Variants in CFAP299 observed in about 807,000 individuals in gnomAD.
CFAP299 encodes the protein cilia- and flagella-associated protein 299.
Under a neutral mutation model 27.0 loss-of-function variants are expected in CFAP299, and 21 were observed. The observed-to-expected ratio is 0.78, with a 90% CI of 0.55 to 1.12. The LOEUF is 1.12. Among genes scored for constraint, CFAP299 ranks in the 50% most tolerant of loss-of-function variants. CFAP299 has a pLI of 0.00. For synonymous variants in CFAP299, 104 were observed against 98.1 expected (o/e 1.06, Z -0.36); for missense variants, 310 against 276.6 (o/e 1.12, Z -0.86).
chr4:80,535,779 T>C (rs1206461528), intron 2 of CFAP299, among the ~76,000 whole-genome samples: 1 of 152,186 alleles, frequency 6.6e-6, no homozygotes, highest in Non-Finnish European at 1.5e-5. Flanking sequence ...AAATAGCTTT[T>C]GGGTTTGTTA....
At chr4:80,642,867 C>G (rs145551187) in intron 3 of CFAP299, among the ~76,000 whole-genome samples, 13 of 152,178 alleles carry the variant, frequency 8.5e-5, no homozygotes, top group Admixed American at 4.6e-4. Flanking sequence ...TTCAGCAGTT[C>G]ACAAAACAGA....
intron 3 of CFAP299, among the ~76,000 whole-genome samples, chr4:80,624,583 A>G (rs181493284): frequency 3.2e-4 from 49 of 152,230 alleles, no homozygotes; most frequent in African/African-American, 1.2e-3. Flanking sequence ...AAATGCTAGC[A>G]GAACAATTTT....
chr4:80,344,829 G>T (rs1272482919), intron 1 of CFAP299, among the ~76,000 whole-genome samples: 1 of 152,064 alleles, frequency 6.6e-6, no homozygotes, highest in Non-Finnish European at 1.5e-5. Context: ...ATGCAAGGTT[G>T]GTTCAACATA....
intron 3 of CFAP299, among the ~76,000 whole-genome samples, chr4:80,810,067 T>C (rs1729067548): frequency 6.6e-6 from 1 of 152,122 alleles, no homozygotes; most frequent in Admixed American, 6.6e-5. Flanking sequence ...AAGTAAACAC[T>C]AAAAATTGAA....
At position 80,894,106 on chromosome 4, in the gene CFAP299, T is replaced by TA. The variant is rs1447901550; in HGVS notation, c.476+23972dup. 3.9e-5 allele frequency among the ~76,000 whole-genome samples: 6 copies of TA among 151,904 alleles called. No individual in the cohort carries two copies. The East Asian group carries it at 7.7e-4, about 20-fold the overall frequency. Reference sequence around the variant, plus strand: ...AAGACGTACATATGGCCTACAGATATATGAAAAGGTGCCCAACCTCACTAA... The same window carrying TA: ...AAGACGTACATATGGCCTACAGATATAATGAAAAGGTGCCCAACCTCACTAA... On this transcript the variant is annotated intron_variant, in intron 4 of 5. Transcript: ENST00000358105.
intron 3 of CFAP299, among the ~76,000 whole-genome samples, chr4:80,611,471 G>T (rs1397716814): frequency 6.6e-6 from 1 of 152,024 alleles, no homozygotes; most frequent in Non-Finnish European, 1.5e-5. Context: ...GTGCCCTTTA[G>T]CACACTTGTT....
At position 80,693,638 on chromosome 4, in the gene CFAP299, A is replaced by T. The variant is rs890754020; in HGVS notation, c.333+110455A>T. ...GTGCACCAGCATGGCACATGTATAC[A>T]TATGTAACTAACCTGCACATTGTGC... is the stretch of plus-strand genomic sequence containing the variant. On this transcript the variant is annotated intron_variant, in intron 3 of 5. Transcript: ENST00000358105. Among the ~76,000 whole-genome samples, 10 of 151,882 alleles carry T rather than the reference A, an allele frequency of 6.6e-5. 1 individual carries two copies. Among genetic ancestry groups the T allele is most frequent in the African/African-American group, 2.4e-4 (10 of 41,426 alleles).
chr4:80,959,841 AT>A (rs1171763359), intron 5 of CFAP299, among the ~76,000 whole-genome samples: 1 of 151,954 alleles, frequency 6.6e-6, no homozygotes, highest in African/African-American at 2.4e-5. Context: ...AATAGAGGAC[AT>A]TTGGACATTT....
intron 2 of CFAP299, among the ~76,000 whole-genome samples, chr4:80,424,383 T>C (rs1560561216): frequency 6.6e-6 from 1 of 152,184 alleles, no homozygotes; most frequent in East Asian, 1.9e-4. Context: ...TGTTTACATT[T>C]TTCTGCACTA....
At chr4:80,425,297 G>C (rs368117352) in intron 2 of CFAP299, among the ~76,000 whole-genome samples, 1 of 152,042 alleles carries the variant, frequency 6.6e-6, no homozygotes, top group African/African-American at 2.4e-5. Context: ...TATCCAGTCC[G>C]ATGCCTTACA....
At chr4:80,577,397 A>ATTTTTTTTTTTTTTTTTTTTTTTTTTTTT (rs34922224) in intron 2 of CFAP299, among the ~76,000 whole-genome samples, 2 of 98,824 alleles carry the variant, frequency 2.0e-5, no homozygotes, top group African/African-American at 8.3e-5. Context: ...ATTAGAAAAC[A>ATTTTTTTTTTTTTTTTTTTTTTTTTTTTT]TTTTTTTTTT....
Position 80,881,366 on chromosome 4 carries a change from A to G in CFAP299, c.476+11231A>G, listed in dbSNP as rs190576985. Among the ~76,000 whole-genome samples the G allele has an allele frequency of 2.2e-4, 34 of 152,350 alleles. 1 individual carries two copies. Among genetic ancestry groups the G allele is most frequent in the Admixed American group, 2.0e-3 (31 of 15,310 alleles). On this transcript the variant is annotated intron_variant, in intron 4 of 5. Transcript: ENST00000358105. ...TCCATGGAGCCAGTTTCTATCTTGC[A>G]TCATAACAAGCACTGAATAACCAGC...
chr4:80,552,996 TA>T (rs1191387731), intron 2 of CFAP299, among the ~76,000 whole-genome samples: 7 of 151,778 alleles, frequency 4.6e-5, no homozygotes, highest in African/African-American at 9.7e-5. Flanking sequence ...CCAATAGGTT[TA>T]TTTTTTTTTT....
intron 3 of CFAP299, among the ~76,000 whole-genome samples, chr4:80,738,293 CT>C (rs1159171532): frequency 6.6e-6 from 1 of 152,066 alleles, no homozygotes; most frequent in Admixed American, 6.6e-5. Context: ...TGTTGATTTT[CT>C]GTCTAGGAGA....
chr4:80,439,479 G>A (rs914483194), intron 2 of CFAP299, among the ~76,000 whole-genome samples: 3 of 152,202 alleles, frequency 2.0e-5, no homozygotes, highest in Non-Finnish European at 4.4e-5. Flanking sequence ...AAGGGAAGCT[G>A]AGGGACTATG....
intron 2 of CFAP299, among the ~76,000 whole-genome samples, chr4:80,564,932 C>G (rs1436334668): frequency 6.6e-6 from 1 of 151,730 alleles, no homozygotes; most frequent in African/African-American, 2.4e-5. Flanking sequence ...AATTAAATAC[C>G]TAGGAATTTA....
chr4:80,757,703 T>TTTTG (rs559737877), intron 3 of CFAP299, among the ~76,000 whole-genome samples: 19 of 152,070 alleles, frequency 1.2e-4, no homozygotes, highest in East Asian at 1.9e-4. Context: ...TTTTTGTTTT[T>TTTTG]TTTGTTTGTT....
intron 4 of CFAP299, among the ~76,000 whole-genome samples, chr4:80,900,123 A>AGTGTGC (rs1734812413): frequency 7.2e-6 from 1 of 139,794 alleles, no homozygotes; most frequent in Non-Finnish European, 1.5e-5. Context: ...AGTGGAAGAA[A>AGTGTGC]GTGTGTGTGT....
intron 3 of CFAP299, among the ~76,000 whole-genome samples, chr4:80,867,758 C>T (rs1430960776): frequency 6.6e-6 from 1 of 152,162 alleles, no homozygotes; most frequent in Non-Finnish European, 1.5e-5. Flanking sequence ...GTAATGTATT[C>T]ACATTTCAAA....
Sources: allele counts gnomAD v4.1 joint callset (sites outside exome capture counted in the v4.1 genomes callset), GRCh38; gene constraint gnomAD v4.1.1; transcripts MANE v1.5; gene names NCBI Gene and HGNC (gene_info 2026-07-23, HGNC 2026-07-21).